The following SUSD6 variants were observed in gnomAD, a reference collection of about 807,000 sequenced individuals.
SUSD6 encodes the protein sushi domain-containing protein 6.
SUSD6 carries 16 observed loss-of-function variants against 28.4 expected under a neutral mutation model. The ratio of observed to expected loss-of-function variants is 0.56; its 90% confidence interval spans 0.38 to 0.86. SUSD6 has a LOEUF of 0.86. Ranked by LOEUF, SUSD6 falls within the 40% of genes least tolerant of loss-of-function variation. The pLI, the probability that SUSD6 is intolerant of heterozygous loss-of-function variation, is 0.00. For synonymous variants in SUSD6, 147 were observed against 159.6 expected, an observed-to-expected ratio of 0.92 and a Z score of 0.59; for missense variants, 341 against 384.2, an observed-to-expected ratio of 0.89 and a Z score of 0.94.
intron 2 of SUSD6, among the ~76,000 whole-genome samples, chr14:69,680,861 CTGA>C (rs1304631059): frequency 6.6e-6 from 1 of 152,176 alleles, no homozygotes; most frequent in Non-Finnish European, 1.5e-5. Flanking sequence ...AGTCTTCCCA[CTGA>C]TAGCCTTTCC....
chr14:69,639,956 G>GTTTT (rs11463756), intron 1 of SUSD6, among the ~76,000 whole-genome samples: 2,793 of 80,838 alleles, frequency 0.035, 40 homozygotes, highest in Non-Finnish European at 0.038. Context: ...CACCTACACT[G>GTTTT]TTTTTTTTTT....
intron 1 of SUSD6, among the ~76,000 whole-genome samples, chr14:69,641,927 T>G (rs1419446364): frequency 6.6e-6 from 1 of 152,146 alleles, no homozygotes; most frequent in East Asian, 1.9e-4. Flanking sequence ...CTTTATGACT[T>G]TTCTCTCTTC....
At chr14:69,658,938 C>G (rs902635435) in intron 2 of SUSD6, among the ~76,000 whole-genome samples, 2 of 152,068 alleles carry the variant, frequency 1.3e-5, no homozygotes, top group African/African-American at 4.8e-5. Flanking sequence ...CTTGTCACCC[C>G]TCTCCCCCAG....
At chr14:69,700,667 C>T (rs1370960795) in intron 2 of SUSD6, among the ~76,000 whole-genome samples, 4 of 152,318 alleles carry the variant, frequency 2.6e-5, no homozygotes, top group Middle Eastern at 3.4e-3. Context: ...GCTACTTCCT[C>T]GGAGATCCTT....
rs142375234 is a variant in SUSD6, at chr14:69,634,386, A to T, written c.-81+22558A>T. 1.7e-3 allele frequency among the ~76,000 whole-genome samples: 261 copies of T among 152,304 alleles called. 1 individual carries two copies. Among genetic ancestry groups the T allele is most frequent in the Middle Eastern group, 0.014 (4 of 294 alleles). On this transcript the variant is annotated intron_variant, in intron 1 of 5. Coordinates refer to ENST00000342745, the MANE Select transcript of SUSD6 (RefSeq NM_014734.4). ...TGCAAATACAAACATTTTCTTTGTC[A>T]TGTCACTGATGTGGTTTATAGGCTT...
intron 1 of SUSD6, among the ~76,000 whole-genome samples, chr14:69,626,863 C>T (rs1433483376): frequency 6.7e-6 from 1 of 149,590 alleles, no homozygotes; most frequent in African/African-American, 2.5e-5. Context: ...AAAAAAAAAA[C>T]GTGTTTTTTT....
intron 2 of SUSD6, among the ~76,000 whole-genome samples, chr14:69,694,847 C>G (rs1889727): frequency 0.021 from 3,147 of 152,222 alleles, 58 homozygotes; most frequent in Middle Eastern, 0.041. Context: ...GAGGCCTGTC[C>G]CACCTGTCAG....
Position 69,646,780 on chromosome 14 carries a change from C to T in SUSD6, c.-80-11733C>T, listed in dbSNP as rs1360280365. On this transcript the variant is annotated intron_variant, in intron 1 of 5. Transcript: ENST00000342745. ...GCAGCGGTGCAATCTTGGCTCACTG[C>T]AAGCTCTGCTTCCCAGGTTCACACC... 4.8e-5 allele frequency among the ~76,000 whole-genome samples: 7 copies of T among 144,420 alleles called. 1 individual carries two copies. The Admixed American group carries it at 5.3e-4, about 11-fold the overall frequency. 94.7% of individuals were successfully genotyped at this position (144,420 alleles called of 152,430 possible).
chr14:69,619,328 G>A (rs1169967803), intron 1 of SUSD6, among the ~76,000 whole-genome samples: 1 of 152,250 alleles, frequency 6.6e-6, no homozygotes, highest in East Asian at 1.9e-4. Flanking sequence ...CCTCAGGGCT[G>A]CTCTGCCTAT....
At chr14:69,635,795 T>C (rs1235742090) in intron 1 of SUSD6, among the ~76,000 whole-genome samples, 1 of 152,276 alleles carries the variant, frequency 6.6e-6, no homozygotes, top group Non-Finnish European at 1.5e-5. Flanking sequence ...TTGGCCTTTA[T>C]ATCCATGTCT....
intron 1 of SUSD6, chr14:69,617,331 A>G (rs1012742158): frequency 1.2e-4 from 19 of 152,308 alleles, no homozygotes; most frequent in East Asian, 1.9e-4. Flanking sequence ...CCATATCTCT[A>G]CTTTGTGGTT....
rs1240924854 is a variant in SUSD6, at chr14:69,712,058, T to G, written c.*1079T>G. 1 of 152,254 alleles carries G rather than the reference T, an allele frequency of 6.6e-6. No homozygotes were observed. Among genetic ancestry groups the G allele is most frequent in the Admixed American group, 6.5e-5 (1 of 15,274 alleles). 9.4% of individuals were successfully genotyped at this position (152,254 alleles called of 1,614,324 possible). A position where few individuals can be genotyped will look rare whatever the true frequency, so the allele number is the denominator to read the frequency against. On this transcript the variant is annotated 3_prime_UTR_variant, in exon 6 of 6. Transcript: ENST00000342745. ...GAGAGGCACAGACCAAGTCCCCGGG[T>G]GGCTGCAGGCAGCTCCAGCCCGGTC... is the stretch of plus-strand genomic sequence containing the variant.
intron 1 of SUSD6, among the ~76,000 whole-genome samples, chr14:69,613,971 G>A (rs1363349437): frequency 6.6e-6 from 1 of 152,232 alleles, no homozygotes; most frequent in Non-Finnish European, 1.5e-5. Flanking sequence ...GTAGAATGAG[G>A]TGTTACAGAT....
intron 2 of SUSD6, among the ~76,000 whole-genome samples, chr14:69,702,584 G>A (rs1455220190): frequency 2.6e-5 from 4 of 152,250 alleles, no homozygotes; most frequent in Admixed American, 6.5e-5. Flanking sequence ...TGCAGCTCAT[G>A]GGGTAGAAGC....
At chr14:69,689,209 C>G (rs1886118476) in intron 2 of SUSD6, among the ~76,000 whole-genome samples, 1 of 152,290 alleles carries the variant, frequency 6.6e-6, no homozygotes, top group African/African-American at 2.4e-5. Context: ...TTCTTCAGAA[C>G]TTTCTGTAGC....
At chr14:69,616,846 C>T (rs1884966964) in intron 1 of SUSD6, among the ~76,000 whole-genome samples, 1 of 151,714 alleles carries the variant, frequency 6.6e-6, no homozygotes, top group Non-Finnish European at 1.5e-5. Context: ...ATTTAAAGTA[C>T]AATTCAGTGG....
At chr14:69,701,146 CAGTA>C (rs1886307355) in intron 2 of SUSD6, among the ~76,000 whole-genome samples, 1 of 151,870 alleles carries the variant, frequency 6.6e-6, no homozygotes, top group South Asian at 2.1e-4. Flanking sequence ...TACTCAGAAT[CAGTA>C]AGTATTAGTT....
intron 1 of SUSD6, among the ~76,000 whole-genome samples, chr14:69,618,813 C>T: frequency 6.6e-6 from 1 of 152,092 alleles, no homozygotes; most frequent in East Asian, 1.9e-4. Flanking sequence ...TAAGAGTTTC[C>T]AAAGGTTGAG....
chr14:69,659,719 A>T (rs951366661), intron 2 of SUSD6, among the ~76,000 whole-genome samples: 2 of 152,126 alleles, frequency 1.3e-5, no homozygotes, highest in Non-Finnish European at 2.9e-5. Flanking sequence ...GGGTTTCACC[A>T]TGTTGGCCAG....
Sources: allele counts gnomAD v4.1 joint callset (sites outside exome capture counted in the v4.1 genomes callset), GRCh38; gene constraint gnomAD v4.1.1; transcripts MANE v1.5; gene names NCBI Gene and HGNC (gene_info 2026-07-23, HGNC 2026-07-21).